SVEP1: variants seen among roughly 807,000 people sequenced by gnomAD.
SVEP1 encodes sushi, von Willebrand factor type A, EGF and pentraxin domain containing 1.
Under a neutral mutation model 367.3 loss-of-function variants are expected in SVEP1, and 164 were observed. The observed-to-expected ratio is 0.45, with a 90% CI of 0.39 to 0.51. The LOEUF is 0.51. Among genes scored for constraint, SVEP1 ranks in the 20% least tolerant of loss-of-function variants. The pLI, the probability that SVEP1 is intolerant of heterozygous loss-of-function variation, is 0.00. For missense variants in SVEP1, 4,117 were observed against 4,425.3 expected (o/e 0.93, Z 1.98); for synonymous variants, 1,666 against 1,611.6 (o/e 1.03, Z -0.81).
chr9:110,482,509 G>A lies in SVEP1; in HGVS notation c.2039-17C>T, dbSNP rs1360787757. 3.9e-6 allele frequency: 6 copies of A among 1,554,432 alleles called. No individual in the cohort carries two copies. The highest frequency in any genetic ancestry group is 1.9e-4 in the Middle Eastern group (1 of 5,264). On this transcript the variant is annotated splice_polypyrimidine_tract_variant and intron_variant, in intron 10 of 47. Transcript: ENST00000374469. The stretch of plus-strand genomic sequence containing the variant: ...ATTCAGCCCCTGGAAAGGAAAGAAG[G>A]CAGCCAATTTTTGGGTTGTATTCAC...
At chr9:110,541,739 A>C (rs1830147294) in intron 3 of SVEP1, among the ~76,000 whole-genome samples, 1 of 150,150 alleles carries the variant, frequency 6.7e-6, no homozygotes, top group Non-Finnish European at 1.5e-5. Context: ...ATCTATATAC[A>C]TATCTACATA....
At chr9:110,396,224 T>TG (rs1456914280) in intron 40 of SVEP1, among the ~76,000 whole-genome samples, 3,208 of 152,106 alleles carry the variant, frequency 0.021, 108 homozygotes, top group African/African-American at 0.073. Context: ...ACATGGAAAC[T>TG]GAACAACCTG....
Position 110,451,296 on chromosome 9 carries a change from T to C in SVEP1, c.3894A>G (p.Gly1298=). Reference sequence around the variant, plus strand: ...AGACTGGAAACATCTTACCTACAAATCCTTTCACACATGTGCAACGATAGC... The same window carrying C: ...AGACTGGAAACATCTTACCTACAAACCCTTTCACACATGTGCAACGATAGC... The part of the protein sequence containing the change: ...VAGYRCTCVK[G]FVGLHCETEV... Residue 1298 remains glycine, a synonymous_variant, in exon 23 of 48, where the codon GGA becomes GGG. Coordinates refer to ENST00000374469, the MANE Select transcript of SVEP1 (RefSeq NM_153366.4). The C allele has an allele frequency of 6.2e-7, 1 of 1,613,358 alleles. No homozygotes were observed. Among genetic ancestry groups the C allele is most frequent in the South Asian group, 1.1e-5 (1 of 91,052 alleles).
At position 110,499,153 on chromosome 9, in the gene SVEP1, C is replaced by G; in HGVS notation, c.1569G>C (p.Thr523=). Residue 523 remains threonine, a synonymous_variant, in exon 7 of 48, where the codon ACG becomes ACC. Coordinates refer to ENST00000374469, the MANE Select transcript of SVEP1 (RefSeq NM_153366.4). Reference sequence around the variant, plus strand: ...CTTGGCGGCAACTTACATAGCAGATCGTCCCAAATTTGGCTGGCTGCTTGC... The same window carrying G: ...CTTGGCGGCAACTTACATAGCAGATGGTCCCAAATTTGGCTGGCTGCTTGC... ...NCGKQPAKFG[T]ICYVSCRQGF... is the part of the protein sequence containing the mutation. 1 of 1,613,672 alleles carries G rather than the reference C, an allele frequency of 6.2e-7. No homozygotes were observed. Among genetic ancestry groups the G allele is most frequent in the Admixed American group, 1.7e-5 (1 of 59,942 alleles).
chr9:110,384,106 G>C (rs1299478841), intron 43 of SVEP1, among the ~76,000 whole-genome samples: 1 of 151,108 alleles, frequency 6.6e-6, no homozygotes, highest in East Asian at 2.0e-4. Flanking sequence ...GTTTTCAGCT[G>C]AGTGGCCGCC....
chr9:110,481,134 C>A, intron 12 of SVEP1, 108 bp downstream of exon 12: 2 of 769,516 alleles, frequency 2.6e-6, no homozygotes, highest in Non-Finnish European at 1.9e-6. Context: ...AAATTCATGG[C>A]ACCATTTTCC....
intron 36 of SVEP1, among the ~76,000 whole-genome samples, chr9:110,415,080 G>A (rs2118517316): frequency 6.6e-6 from 1 of 152,128 alleles, no homozygotes; most frequent in Non-Finnish European, 1.5e-5. Context: ...CCCTACGTTT[G>A]AGGGTTTTGA....
chr9:110,487,307 ACACATTT>A, intron 9 of SVEP1, among the ~76,000 whole-genome samples: 1 of 152,324 alleles, frequency 6.6e-6, no homozygotes, highest in African/African-American at 2.4e-5. Flanking sequence ...TCACTCAAGT[ACACATTT>A]CACATTTCAC....
chr9:110,436,395 G>A lies in SVEP1; in HGVS notation c.4749C>T (p.Val1583=). 6.2e-7 allele frequency: 1 copy of A among 1,613,910 alleles called. No homozygotes were observed. Among genetic ancestry groups the A allele is most frequent in the Non-Finnish European group, 8.5e-7 (1 of 1,179,850 alleles). The change falls in exon 28 of 48, where the codon GTC becomes GTT. Residue 1583 remains valine, a synonymous_variant. Coordinates refer to ENST00000374469, the MANE Select transcript of SVEP1 (RefSeq NM_153366.4). The part of the protein sequence containing the change: ...SISQLNLWDY[V]LSPQQVKSLA... ...TGGAATTGACCTGCTGTGGAGACAG[G>A]ACATAGTCCCAGAGGTTGAGCTGGC... is the stretch of plus-strand genomic sequence containing the variant.
At chr9:110,393,050 G>C (rs565718246) in intron 40 of SVEP1, among the ~76,000 whole-genome samples, 22 of 152,202 alleles carry the variant, frequency 1.4e-4, no homozygotes, top group African/African-American at 5.3e-4. Flanking sequence ...CTTGGAGTGA[G>C]AGCAATCACT....
chr9:110,457,195 T>C, intron 21 of SVEP1, 61 bp downstream of exon 21: 1 of 1,360,974 alleles, frequency 7.3e-7, no homozygotes, highest in Non-Finnish European at 1.0e-6. Context: ...AGTTTGATAC[T>C]GCAAGTCATA....
rs773833242 is a variant in SVEP1 at position 110,408,785 on chromosome 9, T to C, written c.6815A>G (p.Asn2272Ser). ...LDCGKPPPIQ[N>S]GFMKGENFEV... is the part of the protein sequence containing the mutation. Reference sequence around the variant, plus strand: ...AAAGTTTTCTCCTTTCATGAAGCCATTCTGGATCGGGGGAGGTTTTCCACA... The same window carrying C: ...AAAGTTTTCTCCTTTCATGAAGCCACTCTGGATCGGGGGAGGTTTTCCACA... The change falls in exon 38 of 48, where the codon AAT becomes AGT. Residue 2272 changes from asparagine to serine, a missense_variant. Transcript: ENST00000374469. 2.4e-5 allele frequency: 39 copies of C among 1,613,270 alleles called. No homozygotes were observed. Among genetic ancestry groups the C allele is most frequent in the Middle Eastern group, 3.3e-4 (2 of 6,084 alleles).
At chr9:110,368,178 GA>G (rs748616346) in intron 47 of SVEP1, among the ~76,000 whole-genome samples, 3 of 152,212 alleles carry the variant, frequency 2.0e-5, no homozygotes, top group Non-Finnish European at 2.9e-5. Context: ...AAGAGGTGGT[GA>G]CATGGGAGGT....
intron 9 of SVEP1, among the ~76,000 whole-genome samples, chr9:110,486,198 T>A (rs1829274297): frequency 6.6e-6 from 1 of 152,226 alleles, no homozygotes; most frequent in South Asian, 2.1e-4. Context: ...TAGCTAAATT[T>A]ACAAATCCAG....
At chr9:110,377,487 C>CA in intron 44 of SVEP1, 121 bp from the exon 45 acceptor site, 1 of 833,420 alleles carries the variant, frequency 1.2e-6, no homozygotes, top group Non-Finnish European at 1.8e-6. Context: ...GGAAGAGAGA[C>CA]AAAAATCGAA....
chr9:110,372,372 C>A (rs151109108), intron 46 of SVEP1, among the ~76,000 whole-genome samples: 7 of 152,254 alleles, frequency 4.6e-5, no homozygotes, highest in African/African-American at 1.4e-4. Flanking sequence ...AGGGCAGGAG[C>A]CCCTGTTTTA....
chr9:110,496,788 G>C, intron 8 of SVEP1, 27 bp downstream of exon 8: 2 of 1,475,606 alleles, frequency 1.4e-6, no homozygotes, highest in Non-Finnish European at 1.9e-6. Context: ...CATTTGAAAA[G>C]GATGCACATA....
Position 110,549,839 on chromosome 9 carries a change from T to C in SVEP1, c.787+10A>G. ...AAAGTACCTTTGTGATGCCATTAGG[T>C]TTCCATTACCTTCATGCAATGCCCG... is the stretch of plus-strand genomic sequence containing the variant. On this transcript the variant is annotated intron_variant, in intron 2 of 47. Transcript: ENST00000374469. 6.2e-7 allele frequency: 1 copy of C among 1,612,830 alleles called. No homozygotes were observed. Among genetic ancestry groups the C allele is most frequent in the East Asian group, 2.2e-5 (1 of 44,836 alleles).
intron 1 of SVEP1, 130 bp from the exon 2 acceptor site, chr9:110,550,234 CAGAGTA>C: frequency 1.7e-6 from 2 of 1,189,846 alleles, no homozygotes; most frequent in Non-Finnish European, 2.4e-6. Context: ...AAGCCCTAGT[CAGAGTA>C]AAACAGAAAT....
Sources: allele counts gnomAD v4.1 joint callset (sites outside exome capture counted in the v4.1 genomes callset), GRCh38; gene constraint gnomAD v4.1.1; transcripts MANE v1.5; gene names NCBI Gene and HGNC (gene_info 2026-07-23, HGNC 2026-07-21).